The following FMNL1 variants were observed in gnomAD, a reference collection of about 807,000 sequenced individuals.
FMNL1 encodes the protein formin like 1.
Under a neutral mutation model 121.3 loss-of-function variants are expected in FMNL1, and 43 were observed. The ratio of observed to expected loss-of-function variants is 0.35; its 90% CI spans 0.28 to 0.46. The LOEUF is 0.46. Ranked by LOEUF, FMNL1 falls within the 20% of genes least tolerant of loss-of-function variation. FMNL1 has a pLI of 1.00. For missense variants in FMNL1, 1,191 were observed against 1,482.4 expected, an observed-to-expected ratio of 0.80 and a Z score of 3.23; for synonymous variants, 613 against 613.5, an observed-to-expected ratio of 1.00 and a Z score of 0.01.
chr17:45,246,398 C>G, intron 25 of FMNL1, 68 bp downstream of exon 25: 1 of 1,612,860 alleles, frequency 6.2e-7, no homozygotes, highest in Non-Finnish European at 8.5e-7. Flanking sequence ...TGACCCAATG[C>G]GCTATCCTCT....
chr17:45,247,298 T>G lies in FMNL1; in HGVS notation c.*440T>G. 4 of 276,900 alleles carry G rather than the reference T, an allele frequency of 1.4e-5. No homozygotes were observed. Among genetic ancestry groups the G allele is most frequent in the East Asian group, 6.5e-5 (1 of 15,470 alleles). The allele number at this position is 276,900 out of a possible 1,614,324, so 17.2% of individuals were successfully genotyped here. On this transcript the variant is annotated 3_prime_UTR_variant, in exon 27 of 27. Transcript: ENST00000331495. The stretch of plus-strand genomic sequence containing the variant: ...CCATGGACCTTATTTTTATATGAGA[T>G]TAATAAAGATGTTTGCAAAAGATCC...
chr17:45,243,677 T>C (rs2043760066), intron 17 of FMNL1, 114 bp from the exon 18 acceptor site: 9 of 1,050,092 alleles, frequency 8.6e-6, no homozygotes, highest in South Asian at 1.6e-5. Flanking sequence ...TCTGAAGCTG[T>C]TGGCAAATAG....
rs1193485356 is a variant in FMNL1 at position 45,237,369 on chromosome 17, G to C, written c.800+12G>C. 6.2e-7 allele frequency: 1 copy of C among 1,613,962 alleles called. No individual in the cohort carries two copies. Among genetic ancestry groups the C allele is most frequent in the East Asian group, 2.2e-5 (1 of 44,896 alleles). The stretch of plus-strand genomic sequence containing the variant: ...AACAAGAACCCCAGGTGAGGTCCAG[G>C]CCCCAAACCTTTCTCCGTATCTAGA... On this transcript the variant is annotated intron_variant, in intron 8 of 26. Transcript: ENST00000331495. This position sits in a 1 kb window ranked among gnomAD's most constrained non-coding sequence, Gnocchi z 4.4.
In FMNL1 at chr17:45,239,031, A is replaced by C. The variant is rs755002467; in HGVS notation, c.1046A>C (p.Glu349Ala). 14 of 1,614,158 alleles carry C rather than the reference A, an allele frequency of 8.7e-6. No individual in the cohort carries two copies. The highest frequency in any genetic ancestry group is 1.2e-5 in the Non-Finnish European group (14 of 1,180,010). ...AACTTCCGTGTCTTCCTGCAATATG[A>C]GTTCACCCACTTGGGCCTGGACCTG... ...NMNFRVFLQY[E>A]FTHLGLDLYL... The change falls in exon 11 of 27, where the codon GAG becomes GCG. Residue 349 changes from glutamate (E) to alanine (A), a missense_variant. Glu to Ala is a moderately radical substitution (Grantham distance 107). This residue lies in a region of FMNL1 where 253 missense variants were observed against 417.5 expected (regional missense o/e 0.61). Transcript: ENST00000331495.
chr17:45,239,078 C>T lies in FMNL1; in HGVS notation c.1080+13C>T. On this transcript the variant is annotated intron_variant, in intron 11 of 26. Transcript: ENST00000331495. Reference sequence around the variant, plus strand: ...CCTGTACTTGGAGGTAAGCCCTGTACTGCCCCCCAGACTGAACTGCCTGCC... The same window carrying T: ...CCTGTACTTGGAGGTAAGCCCTGTATTGCCCCCCAGACTGAACTGCCTGCC... 3 of 1,605,030 alleles carry T rather than the reference C, an allele frequency of 1.9e-6. No individual in the cohort carries two copies. The highest frequency in any genetic ancestry group is 1.7e-6 in the Non-Finnish European group (2 of 1,171,786).
Position 45,245,608 on chromosome 17 carries a change from G to T in FMNL1, c.2893-24G>T, listed in dbSNP as rs1206519553. ...ACAGGCTGTGAGAGGTCTAAGCTGG[G>T]GGGCTGACAGGCTGTGCCCACAGGA... On this transcript the variant is annotated intron_variant, in intron 22 of 26. Transcript: ENST00000331495. 5.0e-6 allele frequency: 8 copies of T among 1,613,206 alleles called. No individual in the cohort carries two copies. The East Asian group carries it at 1.8e-4, about 36-fold the overall frequency.
rs545973902 is a variant in FMNL1, at chr17:45,243,925, G to A, written c.2348G>A (p.Arg783His). ...RPMEELSEEDRFMLCFSRIPR... is the reference protein window; with the variant it reads ...RPMEELSEEDHFMLCFSRIPR... ...ATGGAGGAGCTGTCAGAGGAGGACCGCTTCATGCTATGCTTCAGCCGCATC... is the reference window on the plus strand; with the variant it reads ...ATGGAGGAGCTGTCAGAGGAGGACCACTTCATGCTATGCTTCAGCCGCATC... Residue 783 changes from arginine to histidine, a missense_variant, in exon 18 of 27, where the codon CGC (arginine) becomes CAC (histidine). This residue lies in a region of FMNL1 where 367 missense variants were observed against 528.6 expected (regional missense o/e 0.69). Transcript: ENST00000331495. 26 of 1,613,784 alleles carry A rather than the reference G, an allele frequency of 1.6e-5. No homozygotes were observed. Among genetic ancestry groups the A allele is most frequent in the South Asian group, 4.4e-5 (4 of 91,088 alleles).
chr17:45,240,678 C>CGGGCCACA, intron 12 of FMNL1, 53 bp downstream of exon 12: 1 of 1,579,024 alleles, frequency 6.3e-7, no homozygotes, highest in Non-Finnish European at 8.6e-7. Context: ...ACAGGGCACA[C>CGGGCCACA]GGGCCACAGG....
chr17:45,229,183 T>A (rs2043389531), intron 1 of FMNL1, among the ~76,000 whole-genome samples: 1 of 152,140 alleles, frequency 6.6e-6, no homozygotes, highest in African/African-American at 2.4e-5. Flanking sequence ...AATGACGTAT[T>A]CCACCCCCTT....
intron 12 of FMNL1, chr17:45,240,922 C>T: frequency 1.4e-6 from 1 of 713,216 alleles, no homozygotes; most frequent in Non-Finnish European, 2.3e-6. Context: ...CCTCCTCTCC[C>T]TCCACCTCCC....
intron 11 of FMNL1, 53 bp from the exon 12 acceptor site, chr17:45,240,423 T>TC (rs199524034): frequency 4.2e-4 from 629 of 1,500,586 alleles, no homozygotes; most frequent in Non-Finnish European, 4.9e-4. Context: ...TTGGAAAGAC[T>TC]CCCCCCCACA....
rs1221571623 is a variant in FMNL1, at chr17:45,237,150, GT to G, written c.724-130del. The G allele has an allele frequency of 5.9e-6, 4 of 677,600 alleles. No individual in the cohort carries two copies. The highest frequency in any genetic ancestry group is 7.3e-5 in the African/African-American group (2 of 27,374). The allele number at this position is 677,600 out of a possible 1,614,324, so 42.0% of individuals were successfully genotyped here. A position where few individuals can be genotyped will look rare whatever the true frequency, so the allele number is the denominator to read the frequency against. ...AAAATAGAAACAAGGCCAGGTTTTG[GT>G]GGCCACAGAAGTTGCGGTTGGATAC... is the stretch of plus-strand genomic sequence containing the variant. On this transcript the variant is annotated intron_variant, in intron 7 of 26. Coordinates refer to ENST00000331495, the MANE Select transcript of FMNL1 (RefSeq NM_005892.4). The surrounding 1 kb of genome is among the most constrained non-coding windows in gnomAD (Gnocchi z 4.4).
At position 45,241,059 on chromosome 17, in the gene FMNL1, A is replaced by T; in HGVS notation, c.1231-70A>T. The T allele has an allele frequency of 1.9e-6, 3 of 1,583,662 alleles. No individual in the cohort carries two copies. The highest frequency in any genetic ancestry group is 2.6e-6 in the Non-Finnish European group (3 of 1,158,098). On this transcript the variant is annotated intron_variant, in intron 12 of 26. Transcript: ENST00000331495. The surrounding 1 kb of genome is among the most constrained non-coding windows in gnomAD (Gnocchi z 7.0). ...CCAGTCTTCCAGGCAGGCATGCCTG[A>T]TGCCGCCCCCTCACCGGCGGTGCCA...
In FMNL1 at chr17:45,222,239, T is replaced by C; in HGVS notation, c.115T>C (p.Phe39Leu). 2 of 1,209,640 alleles carry C rather than the reference T, an allele frequency of 1.7e-6. No homozygotes were observed. The highest frequency in any genetic ancestry group is 2.1e-6 in the Non-Finnish European group (2 of 969,952). 74.9% of individuals were successfully genotyped at this position (1,209,640 alleles called of 1,614,324 possible). Residue 39 changes from phenylalanine (F) to leucine (L), a missense_variant, in exon 1 of 27, where the codon TTC (phenylalanine) becomes CTC (leucine). Physicochemically the swap from Phe to Leu is conservative, Grantham distance 22. Around this residue, in one of 4 missense-constraint regions of FMNL1, gnomAD observed 253 missense variants for 417.5 expected, o/e 0.61. Coordinates refer to ENST00000331495, the MANE Select transcript of FMNL1 (RefSeq NM_005892.4). The part of the protein sequence containing the change: ...MPAAGELEER[F>L]NRALNCMNLP... ...CGCGGCCGGAGAGCTGGAGGAGAGG[T>C]TCAACCGCGCCCTGGTGAGTGCGAC... is the stretch of plus-strand genomic sequence containing the variant.
At chr17:45,224,583 G>A (rs1015301804) in intron 1 of FMNL1, among the ~76,000 whole-genome samples, 11 of 152,278 alleles carry the variant, frequency 7.2e-5, no homozygotes, top group African/African-American at 2.6e-4. Context: ...GTGGGGCATA[G>A]GATCCTGATA....
rs1283397975 is a variant in FMNL1 at position 45,233,632 on chromosome 17, A to G, written c.402-16A>G. The G allele has an allele frequency of 1.2e-6, 2 of 1,613,774 alleles. No homozygotes were observed. Among genetic ancestry groups the G allele is most frequent in the South Asian group, 2.2e-5 (2 of 91,080 alleles). On this transcript the variant is annotated splice_polypyrimidine_tract_variant and intron_variant, in intron 4 of 26. Coordinates refer to ENST00000331495, the MANE Select transcript of FMNL1 (RefSeq NM_005892.4). This position sits in a 1 kb window ranked among gnomAD's most constrained non-coding sequence, Gnocchi z 4.1. ...CCTCCTTTCTGGCTGGAGCTCAGGG[A>G]GCCCTGTGCCCACAGGTGGGTGCAG...
In FMNL1 at chr17:45,240,634, G is replaced by A. The variant is rs764056808; in HGVS notation, c.1230+9G>A. ...AGGAGCAAGTGGCGCTGGTGAGAGT[G>A]GGTCCTGACCCCAGCCCAGCACATC... On this transcript the variant is annotated intron_variant, in intron 12 of 26. Coordinates refer to ENST00000331495, the MANE Select transcript of FMNL1 (RefSeq NM_005892.4). The A allele has an allele frequency of 1.6e-5, 25 of 1,611,548 alleles. No homozygotes were observed. The South Asian group carries it at 2.2e-4, about 14-fold the overall frequency.
At position 45,241,923 on chromosome 17, in the gene FMNL1, G is replaced by A; in HGVS notation, c.1662G>A (p.Pro554=). 2.5e-6 allele frequency: 3 copies of A among 1,210,204 alleles called. No homozygotes were observed. Among genetic ancestry groups the A allele is most frequent in the East Asian group, 3.6e-5 (1 of 27,602 alleles). The allele number at this position is 1,210,204 out of a possible 1,614,324, so 75.0% of individuals were successfully genotyped here. ...PPPPLPGLPS[P]QEAPPSAPPQ... ...CCCCACTGCCCGGCCTCCCCTCCCCGCAGGAAGCCCCGCCCTCTGCGCCCC... is the reference window on the plus strand; with the variant it reads ...CCCCACTGCCCGGCCTCCCCTCCCCACAGGAAGCCCCGCCCTCTGCGCCCC... Residue 554 remains proline, a synonymous_variant, in exon 15 of 27, where the codon CCG becomes CCA. Coordinates refer to ENST00000331495, the MANE Select transcript of FMNL1 (RefSeq NM_005892.4). This position sits in a 1 kb window ranked among gnomAD's most constrained non-coding sequence, Gnocchi z 7.0.
In FMNL1 at chr17:45,233,218, C is replaced by A; in HGVS notation, c.328-6C>A. The A allele has an allele frequency of 6.4e-7, 1 of 1,554,554 alleles. No individual in the cohort carries two copies. The highest frequency in any genetic ancestry group is 1.2e-5 in the South Asian group (1 of 84,242). On this transcript the variant is annotated splice_region_variant and splice_polypyrimidine_tract_variant and intron_variant, in intron 3 of 26. Transcript: ENST00000331495. The surrounding 1 kb of genome is among the most constrained non-coding windows in gnomAD (Gnocchi z 4.1). ...CCCACCAGCCTTCCCTGTTCTCGGT[C>A]CCCAGTTTAAGAGGCGAGTTCAGGA...
Sources: gnomAD v4.1 joint callset for allele counts (sites outside exome capture counted in the v4.1 genomes callset) on GRCh38, gnomAD v4.1.1 for gene constraint, gnomAD v4.1.1 regional missense constraint, Gnocchi (gnomAD v3.1) non-coding constraint, MANE v1.5 for transcripts, NCBI Gene and HGNC (gene_info 2026-07-23, HGNC 2026-07-21) for gene names.